Variants in MACF1 observed in about 807,000 individuals in gnomAD.
MACF1 encodes microtubule actin crosslinking factor 1.
Under a neutral mutation model 854.8 loss-of-function variants are expected in MACF1, and 193 were observed. The ratio of observed to expected loss-of-function variants is 0.23; its 90% confidence interval spans 0.20 to 0.25. MACF1 has a LOEUF of 0.25. Ranked by LOEUF, MACF1 falls within the 10% of genes least tolerant of loss-of-function variation. The probability of loss-of-function intolerance (pLI) is 1.00; values close to 1 mark genes in which losing one functional copy is unlikely to be tolerated. For missense variants in MACF1, 7,722 were observed against 8,929.1 expected (o/e 0.86, Z 5.45); for synonymous variants, 3,185 against 3,226.7 (o/e 0.99, Z 0.44).
At chr1:39,299,344 C>G (rs1645994047) in intron 21 of MACF1, 1 of 453,452 alleles carries the variant, frequency 2.2e-6, no homozygotes, top group Non-Finnish European at 4.4e-6. Flanking sequence ...TCTTTACTCT[C>G]ATCGCATCTA....
chr1:39,222,663 G>A (rs1171998001), intron 1 of MACF1, among the ~76,000 whole-genome samples: 2 of 152,092 alleles, frequency 1.3e-5, no homozygotes, highest in African/African-American at 4.8e-5. Context: ...TATTTGCTTG[G>A]TGTTATTGTT....
chr1:39,397,284 G>A (rs957489156), intron 58 of MACF1, among the ~76,000 whole-genome samples: 16 of 152,188 alleles, frequency 1.1e-4, no homozygotes, highest in South Asian at 1.0e-3. Flanking sequence ...ACTGACAGCC[G>A]GGTATGGTGG....
intron 2 of MACF1, among the ~76,000 whole-genome samples, chr1:39,190,369 TTGTGTGTG>T (rs1320102956): frequency 8.0e-6 from 1 of 125,654 alleles, no homozygotes. Flanking sequence ...TTCTCTTCTT[TTGTGTGTG>T]TGTGTGTGTG....
intron 2 of MACF1, among the ~76,000 whole-genome samples, chr1:39,159,667 A>G (rs60902398): frequency 0.031 from 4,714 of 152,020 alleles, 236 homozygotes; most frequent in African/African-American, 0.11. Context: ...GTGATGTAGG[A>G]CTCTTTTTGG....
intron 2 of MACF1, among the ~76,000 whole-genome samples, chr1:39,174,272 T>A (rs145272672): frequency 1.7e-3 from 262 of 152,332 alleles, no homozygotes; most frequent in African/African-American, 6.1e-3. Context: ...TTTGCAACTA[T>A]AAAATGGGGA....
At chr1:39,291,484 T>C (rs1645789057) in intron 15 of MACF1, among the ~76,000 whole-genome samples, 1 of 152,232 alleles carries the variant, frequency 6.6e-6, no homozygotes, top group African/African-American at 2.4e-5. Context: ...GTTTTAAAAT[T>C]ATCTTCCATT....
At position 39,335,694 on chromosome 1, in the gene MACF1, T is replaced by A. The variant is rs1646799473; in HGVS notation, c.9106T>A (p.Ser3036Thr). 6.2e-7 allele frequency: 1 copy of A among 1,613,238 alleles called. No homozygotes were observed. The highest frequency in any genetic ancestry group is 8.5e-7 in the Non-Finnish European group (1 of 1,179,844). ...AGAAGCTGATACAGAAATGGGATTTTCTATTACTTTTAAAATTGAAGAGTC... is the reference window on the plus strand; with the variant it reads ...AGAAGCTGATACAGAAATGGGATTTACTATTACTTTTAAAATTGAAGAGTC... ...GKEADTEMGF[S>T]ITFKIEESSS... The change falls in exon 37 of 101, where the codon TCT becomes ACT. Residue 3036 changes from serine (S) to threonine (T), a missense_variant. By Grantham distance (58) the Ser-to-Thr change is moderately conservative (BLOSUM62 1). This residue lies in a region of MACF1 where 854 missense variants were observed against 852.6 expected (regional missense o/e 1.00). Transcript: ENST00000564288.
At chr1:39,413,824 G>A in intron 58 of MACF1, 2 of 1,611,682 alleles carry the variant, frequency 1.2e-6, no homozygotes, top group South Asian at 1.1e-5. Flanking sequence ...CTCCTTTGCA[G>A]CTGTGGTGGC....
rs752117651 is a variant in MACF1, at chr1:39,461,934, G to A, written c.21575G>A (p.Arg7192Gln). The change falls in exon 93 of 101, where the codon CGA (arginine) becomes CAA (glutamine). Residue 7192 changes from arginine (R) to glutamine (Q), a missense_variant. By Grantham distance (43) the Arg-to-Gln change is conservative (BLOSUM62 1). Coordinates refer to ENST00000564288, the MANE Select transcript of MACF1 (RefSeq NM_001394062.1). ...ACTGCTGTGGCTGACATTTTCGACC[G>A]AGATGGGGATGGTTACATTGATTAT... Reference protein sequence around the residue: ...EMTAVADIFDRDGDGYIDYYE... With the variant: ...EMTAVADIFDQDGDGYIDYYE... 2.9e-5 allele frequency: 46 copies of A among 1,613,680 alleles called. No individual in the cohort carries two copies. The highest frequency in any genetic ancestry group is 1.6e-4 in the Middle Eastern group (1 of 6,084).
intron 4 of MACF1, 54 bp from the exon 5 acceptor site, chr1:39,254,244 G>T (rs1267866430): frequency 2.1e-5 from 30 of 1,418,644 alleles, no homozygotes; most frequent in Non-Finnish European, 5.0e-6. Context: ...GAAAGGGTCT[G>T]TATGGTTAAA....
chr1:39,414,902 C>G (rs944489990), intron 58 of MACF1, among the ~76,000 whole-genome samples: 2 of 152,168 alleles, frequency 1.3e-5, no homozygotes, highest in Non-Finnish European at 2.9e-5. Flanking sequence ...GGGGTGCTTC[C>G]TAACCACTCT....
Position 39,333,215 on chromosome 1 carries a change from A to G in MACF1, c.6627A>G (p.Ile2209Met), listed in dbSNP as rs1177112194. 4 of 1,612,438 alleles carry G rather than the reference A, an allele frequency of 2.5e-6. No homozygotes were observed. Among genetic ancestry groups the G allele is most frequent in the Admixed American group, 1.7e-5 (1 of 59,656 alleles). ...TTCAGGTAAAGAAAACTCTAGGTAT[A>G]AAGTTAGAACTAAAGTCTGAAACTG... ...LQVQVKKTLG[I>M]KLELKSETDG... The change falls in exon 37 of 101, where the codon ATA (isoleucine) becomes ATG (methionine). Residue 2209 changes from isoleucine (I) to methionine (M), a missense_variant. Ile to Met is a conservative substitution (Grantham distance 10, BLOSUM62 1). Coordinates refer to ENST00000564288, the MANE Select transcript of MACF1 (RefSeq NM_001394062.1).
intron 2 of MACF1, among the ~76,000 whole-genome samples, chr1:39,151,895 A>G (rs1643587124): frequency 1.3e-5 from 2 of 152,178 alleles, no homozygotes; most frequent in African/African-American, 4.8e-5. Context: ...TATATGAATG[A>G]TTAAGAAGGG....
chr1:39,269,171 G>C (rs1015653237), intron 6 of MACF1: 4 of 1,289,996 alleles, frequency 3.1e-6, no homozygotes, highest in Non-Finnish European at 4.0e-6. Context: ...ACTGCGAGAA[G>C]TCAGTGAGCC....
At chr1:39,175,869 G>C (rs986379268) in intron 2 of MACF1, among the ~76,000 whole-genome samples, 2 of 150,034 alleles carry the variant, frequency 1.3e-5, no homozygotes, top group African/African-American at 4.9e-5. Flanking sequence ...AGGCCAAGGA[G>C]GGTGGATCAC....
At chr1:39,248,726 T>C (rs1358965981) in intron 2 of MACF1, among the ~76,000 whole-genome samples, 1 of 152,210 alleles carries the variant, frequency 6.6e-6, no homozygotes. Flanking sequence ...TTCTGTGTTG[T>C]GAACATCACC....
rs777383197 is a variant in MACF1, at chr1:39,334,023, A to G, written c.7435A>G (p.Thr2479Ala). ...LIDPDSKAPL[T>A]VVQSIDRGLL... The stretch of plus-strand genomic sequence containing the variant: ...AGACCCTGATAGTAAAGCACCTTTA[A>G]CAGTTGTGCAGTCCATTGACAGAGG... Residue 2479 changes from threonine to alanine, a missense_variant, in exon 37 of 101, where the codon ACA (threonine) becomes GCA (alanine). By Grantham distance (58) the Thr-to-Ala change is moderately conservative. Around this residue, in one of 15 missense-constraint regions of MACF1, gnomAD observed 1,531 missense variants for 1,601.6 expected, o/e 0.96. Transcript: ENST00000564288. 1.9e-6 allele frequency: 3 copies of G among 1,614,196 alleles called. No homozygotes were observed. The highest frequency in any genetic ancestry group is 1.1e-5 in the South Asian group (1 of 91,084).
chr1:39,461,122 T>C (rs1164600041), intron 92 of MACF1, among the ~76,000 whole-genome samples: 1 of 152,014 alleles, frequency 6.6e-6, no homozygotes, highest in Admixed American at 6.6e-5. Context: ...AACCAGAGGT[T>C]TTCAGCTGGG....
At chr1:39,377,015 TTTG>T (rs1248791482) in intron 52 of MACF1, among the ~76,000 whole-genome samples, 1 of 151,904 alleles carries the variant, frequency 6.6e-6, no homozygotes, top group Non-Finnish European at 1.5e-5. Context: ...CTATTTTGTT[TTTG>T]TTGTTGTTTT....
Sources: allele counts gnomAD v4.1 joint callset (sites outside exome capture counted in the v4.1 genomes callset), GRCh38; gene constraint gnomAD v4.1.1; regional missense constraint gnomAD v4.1.1; transcripts MANE v1.5; gene names NCBI Gene and HGNC (gene_info 2026-07-23, HGNC 2026-07-21).